The following GPR137B variants were observed in gnomAD, a reference collection of about 807,000 sequenced individuals.
GPR137B encodes the protein G protein-coupled receptor 137B, also known as integral membrane protein GPR137B.
A neutral mutation model predicts 42.5 loss-of-function variants in GPR137B; 42 were observed. The observed-to-expected ratio is 0.99, with a 90% CI of 0.77 to 1.28. The LOEUF is 1.28. Ranked by LOEUF, GPR137B falls within the 50% of genes most tolerant of loss-of-function variation. The pLI, the probability that GPR137B is intolerant of heterozygous loss-of-function variation, is 0.00. For missense variants in GPR137B, 487 were observed against 493.9 expected (o/e 0.99, Z 0.13); for synonymous variants, 218 against 209.7 (o/e 1.04, Z -0.34).
intron 5 of GPR137B, among the ~76,000 whole-genome samples, chr1:236,196,119 T>G (rs189122554): frequency 6.6e-6 from 1 of 152,254 alleles, no homozygotes; most frequent in African/African-American, 2.4e-5. Context: ...TGTAGGATAT[T>G]GCTCATGAAT....
At chr1:236,175,332 C>T (rs1662654746) in intron 2 of GPR137B, among the ~76,000 whole-genome samples, 1 of 152,096 alleles carries the variant, frequency 6.6e-6, no homozygotes, top group South Asian at 2.1e-4. Context: ...TTTGCTGTGT[C>T]AAGGGTGGCA....
At chr1:236,197,879 C>T (rs951604414) in intron 5 of GPR137B, among the ~76,000 whole-genome samples, 18 of 152,016 alleles carry the variant, frequency 1.2e-4, no homozygotes, top group Admixed American at 7.9e-4. Context: ...TACCGCCATG[C>T]GCAGCTAATT....
At position 236,166,494 on chromosome 1, in the gene GPR137B, A is replaced by ATATATATATTTATATATATACAT. The variant is rs1360835065; in HGVS notation, c.415-2189_415-2167dup. 3.0e-3 allele frequency among the ~76,000 whole-genome samples: 421 copies of ATATATATATTTATATATATACAT among 138,742 alleles called. 2 individuals carry two copies. Among genetic ancestry groups the ATATATATATTTATATATATACAT allele is most frequent in the Non-Finnish European group, 4.5e-3 (298 of 66,228 alleles). 91.0% of individuals were successfully genotyped at this position (138,742 alleles called of 152,430 possible). On this transcript the variant is annotated intron_variant, in intron 1 of 6. Coordinates refer to ENST00000366592, the MANE Select transcript of GPR137B (RefSeq NM_003272.4). ...ATACATTATATATATTTATATATAC[A>ATATATATATTTATATATATACAT]TATATATATTTATATATATACATTA...
chr1:236,180,098 G>T, intron 4 of GPR137B, 70 bp downstream of exon 4: 1 of 1,390,300 alleles, frequency 7.2e-7, no homozygotes, highest in Non-Finnish European at 1.0e-6. Flanking sequence ...TTGGTTCCAG[G>T]ACCCCAGAAA....
chr1:236,159,165 C>T (rs1384071579), intron 1 of GPR137B, among the ~76,000 whole-genome samples: 2 of 151,904 alleles, frequency 1.3e-5, no homozygotes, highest in African/African-American at 4.8e-5. Flanking sequence ...GACAAATTAG[C>T]CAGGCATTTG....
chr1:236,185,172 A>G (rs768911797), intron 5 of GPR137B, among the ~76,000 whole-genome samples: 7 of 152,224 alleles, frequency 4.6e-5, no homozygotes, highest in African/African-American at 7.2e-5. Flanking sequence ...AGTCCTATCT[A>G]TAACTTCTGT....
At chr1:236,172,158 C>G (rs1489410991) in intron 2 of GPR137B, among the ~76,000 whole-genome samples, 1 of 152,000 alleles carries the variant, frequency 6.6e-6, no homozygotes, top group Non-Finnish European at 1.5e-5. Flanking sequence ...ATTTTGTTGC[C>G]AAATATAAAG....
At chr1:236,160,979 C>G (rs560027558) in intron 1 of GPR137B, among the ~76,000 whole-genome samples, 14 of 152,020 alleles carry the variant, frequency 9.2e-5, no homozygotes, top group African/African-American at 3.4e-4. Context: ...GTCCCCATCT[C>G]GAAGTGTACC....
chr1:236,183,298 T>C lies in GPR137B; in HGVS notation c.838-480T>C, dbSNP rs373529039. Among the ~76,000 whole-genome samples, 13 of 152,324 alleles carry C rather than the reference T, an allele frequency of 8.5e-5. No homozygotes were observed. The East Asian group carries it at 2.1e-3, about 25-fold the overall frequency. ...AAAGTTGACCTCTTTATCCTAGGGA[T>C]GAGACTAAGGGATAATAGTTGTATG... On this transcript the variant is annotated intron_variant, in intron 4 of 6. Transcript: ENST00000366592.
rs185602635 is a variant in GPR137B at position 236,165,990 on chromosome 1, T to C, written c.415-2716T>C. ...CGCTGCAATACAGCCACTTCGTGTG[T>C]TGGGTAAGAGTAATCCAGGCGTGCT... On this transcript the variant is annotated intron_variant, in intron 1 of 6. Transcript: ENST00000366592. 5.9e-5 allele frequency among the ~76,000 whole-genome samples: 9 copies of C among 152,362 alleles called. No homozygotes were observed. In the East Asian group the frequency reaches 1.5e-3, roughly 26 times the overall value.
intron 2 of GPR137B, among the ~76,000 whole-genome samples, chr1:236,175,232 A>G (rs1415989335): frequency 6.6e-6 from 1 of 152,150 alleles, no homozygotes; most frequent in African/African-American, 2.4e-5. Context: ...CAAATTTTCT[A>G]CTTATTAAGT....
At chr1:236,205,682 C>T (rs994744553) in intron 6 of GPR137B, among the ~76,000 whole-genome samples, 9 of 151,996 alleles carry the variant, frequency 5.9e-5, no homozygotes, top group Non-Finnish European at 8.8e-5. Context: ...CTGGGATTAC[C>T]GGTGTGCGCC....
intron 5 of GPR137B, among the ~76,000 whole-genome samples, chr1:236,201,977 G>A (rs1306934381): frequency 6.6e-6 from 1 of 151,878 alleles, no homozygotes; most frequent in Non-Finnish European, 1.5e-5. Flanking sequence ...CCTAGTGATG[G>A]GGCTTCCTGT....
At position 236,208,291 on chromosome 1, in the gene GPR137B, C is replaced by G. The variant is rs959205300; in HGVS notation, c.*133C>G. On this transcript the variant is annotated 3_prime_UTR_variant, in exon 7 of 7. Coordinates refer to ENST00000366592, the MANE Select transcript of GPR137B (RefSeq NM_003272.4). ...TTATTTGTTACAGGTTTCCAATGGC[C>G]CCATAGGAATAAGCAATAATGTAGA... 1.8e-5 allele frequency: 26 copies of G among 1,453,914 alleles called. No homozygotes were observed. The African/African-American group carries it at 3.3e-4, about 18-fold the overall frequency. The allele number at this position is 1,453,914 out of a possible 1,614,324, so 90.1% of individuals were successfully genotyped here. A position where few individuals can be genotyped will look rare whatever the true frequency, so the allele number is the denominator to read the frequency against.
chr1:236,145,652 C>T (rs1052784061), intron 1 of GPR137B, among the ~76,000 whole-genome samples: 2 of 151,094 alleles, frequency 1.3e-5, no homozygotes, highest in African/African-American at 2.4e-5. Flanking sequence ...CCACCGCACC[C>T]GGCCAAGAAA....
At chr1:236,189,378 C>T (rs1663124627) in intron 5 of GPR137B, among the ~76,000 whole-genome samples, 1 of 152,190 alleles carries the variant, frequency 6.6e-6, no homozygotes, top group Middle Eastern at 3.4e-3. Flanking sequence ...TTTGTTTGCT[C>T]TTGCTTCCCA....
chr1:236,158,125 T>C (rs1478748538), intron 1 of GPR137B, among the ~76,000 whole-genome samples: 2 of 152,138 alleles, frequency 1.3e-5, no homozygotes, highest in Non-Finnish European at 2.9e-5. Flanking sequence ...CATTTTTATT[T>C]ATTAAACCAC....
At chr1:236,148,469 C>T (rs1442539059) in intron 1 of GPR137B, among the ~76,000 whole-genome samples, 4 of 152,206 alleles carry the variant, frequency 2.6e-5, no homozygotes, top group Admixed American at 2.6e-4. Flanking sequence ...ATGACAAACT[C>T]CTGCCATTGC....
intron 1 of GPR137B, among the ~76,000 whole-genome samples, chr1:236,145,711 A>C (rs1653372145): frequency 6.6e-6 from 1 of 151,966 alleles, no homozygotes; most frequent in African/African-American, 2.4e-5. Context: ...GAACTCTCTG[A>C]AGAAAGTACC....
Sources: gnomAD v4.1 joint callset for allele counts (sites outside exome capture counted in the v4.1 genomes callset) on GRCh38, gnomAD v4.1.1 for gene constraint, MANE v1.5 for transcripts, NCBI Gene and HGNC (gene_info 2026-07-23, HGNC 2026-07-21) for gene names.